SGCZ: variants seen among roughly 807,000 people sequenced by gnomAD.
The protein encoded by SGCZ is zeta-sarcoglycan.
SGCZ carries 40 observed loss-of-function variants against 41.3 expected under a neutral mutation model. The ratio of observed to expected loss-of-function variants is 0.97; its 90% CI spans 0.75 to 1.26. SGCZ has a LOEUF of 1.26. Among genes scored for constraint, SGCZ ranks in the 50% most tolerant of loss-of-function variants. SGCZ has a pLI of 0.00. For missense variants in SGCZ, 552 were observed against 369.8 expected (o/e 1.49, Z -4.04); for synonymous variants, 206 against 137.5 (o/e 1.50, Z -3.49).
chr8:14,480,757 T>C (rs1346659651), intron 2 of SGCZ, among the ~76,000 whole-genome samples: 1 of 152,056 alleles, frequency 6.6e-6, no homozygotes, highest in Admixed American at 6.6e-5. Context: ...AATATATTTA[T>C]AATAACATAA....
chr8:14,443,884 A>G (rs1223047865), intron 2 of SGCZ, among the ~76,000 whole-genome samples: 1 of 152,176 alleles, frequency 6.6e-6, no homozygotes, highest in Non-Finnish European at 1.5e-5. Context: ...AACCTACAGA[A>G]TGGGAGAAAA....
rs982876731 is a variant in SGCZ, at chr8:14,432,187, C to A, written c.235-107983G>T. ...CAGCAATCCCACTACTGGGTATCTACCCAGAGGAAAATATGTCATTATACA... is the reference window on the plus strand; with the variant it reads ...CAGCAATCCCACTACTGGGTATCTAACCAGAGGAAAATATGTCATTATACA... On this transcript the variant is annotated intron_variant, in intron 2 of 7. Coordinates refer to ENST00000382080, the MANE Select transcript of SGCZ (RefSeq NM_139167.4). Among the ~76,000 whole-genome samples the A allele has an allele frequency of 2.6e-5, 4 of 152,080 alleles. No homozygotes were observed. The South Asian group carries it at 6.2e-4, about 24-fold the overall frequency.
At chr8:14,791,536 C>T (rs975707995) in intron 1 of SGCZ, among the ~76,000 whole-genome samples, 7 of 152,124 alleles carry the variant, frequency 4.6e-5, no homozygotes, top group African/African-American at 1.7e-4. Flanking sequence ...AAACCATTCA[C>T]CTAATAGAAG....
At chr8:14,452,770 A>G (rs759853008) in intron 2 of SGCZ, among the ~76,000 whole-genome samples, 8 of 152,112 alleles carry the variant, frequency 5.3e-5, no homozygotes, top group Admixed American at 6.5e-5. Context: ...AATAAAATTA[A>G]TTCAAAAGGC....
chr8:14,979,766 T>C (rs1801601721), intron 1 of SGCZ, among the ~76,000 whole-genome samples: 1 of 152,216 alleles, frequency 6.6e-6, no homozygotes, highest in African/African-American at 2.4e-5. Context: ...TATTAGGATA[T>C]GAATAGACAG....
chr8:14,108,233 T>G lies in SGCZ; in HGVS notation c.550A>C (p.Thr184Pro), dbSNP rs778223348. 8 of 1,614,088 alleles carry G rather than the reference T, an allele frequency of 5.0e-6. No homozygotes were observed. The South Asian group carries it at 7.7e-5, about 16-fold the overall frequency. Reference protein sequence around the residue: ...IGAEKLKVTGTEGAVFGHSVE... With the variant: ...IGAEKLKVTGPEGAVFGHSVE... ...GAGTGCCCAAATACGGCTCCTTCAG[T>G]GCCTGGGGGTAGCATGAATATAGCA... Residue 184 changes from threonine to proline, a missense_variant and splice_region_variant, in exon 6 of 8, where the codon ACT becomes CCT. Coordinates refer to ENST00000382080, the MANE Select transcript of SGCZ (RefSeq NM_139167.4).
chr8:14,862,891 G>T (rs951653710), intron 1 of SGCZ, among the ~76,000 whole-genome samples: 4 of 152,038 alleles, frequency 2.6e-5, no homozygotes, highest in African/African-American at 9.6e-5. Flanking sequence ...AATTCAAAAT[G>T]AATACATGTT....
intron 5 of SGCZ, among the ~76,000 whole-genome samples, chr8:14,157,133 G>C (rs1409436563): frequency 2.0e-5 from 3 of 151,840 alleles, no homozygotes; most frequent in Admixed American, 2.0e-4. Context: ...TAAGTAGTAT[G>C]TTGTGCTCTG....
At chr8:14,575,159 T>G (rs1804669484) in intron 1 of SGCZ, among the ~76,000 whole-genome samples, 1 of 152,216 alleles carries the variant, frequency 6.6e-6, no homozygotes, top group Non-Finnish European at 1.5e-5. Context: ...TAAATAATTT[T>G]GGGAAAAGTA....
intron 1 of SGCZ, among the ~76,000 whole-genome samples, chr8:14,811,583 G>C (rs907857412): frequency 7.2e-6 from 1 of 138,870 alleles, no homozygotes; most frequent in African/African-American, 2.7e-5. Context: ...TGTTATGGGA[G>C]AGGGCCAGAA....
At chr8:14,142,893 C>A (rs1289418164) in intron 5 of SGCZ, among the ~76,000 whole-genome samples, 1 of 151,948 alleles carries the variant, frequency 6.6e-6, no homozygotes, top group Non-Finnish European at 1.5e-5. Flanking sequence ...CCTGTGCCTT[C>A]TCCCATGATC....
At chr8:14,450,604 A>G (rs1417376801) in intron 2 of SGCZ, among the ~76,000 whole-genome samples, 1 of 152,206 alleles carries the variant, frequency 6.6e-6, no homozygotes, top group Non-Finnish European at 1.5e-5. Flanking sequence ...CTGCTATTTT[A>G]TAGAATCAGA....
rs191460903 is a variant in SGCZ, at chr8:14,725,199, T to C, written c.40-170273A>G. Among the ~76,000 whole-genome samples, 276 of 152,350 alleles carry C rather than the reference T, an allele frequency of 1.8e-3. 3 individuals are homozygous for C. The highest frequency in any genetic ancestry group is 6.8e-3 in the Middle Eastern group (2 of 294). On this transcript the variant is annotated intron_variant, in intron 1 of 7. Transcript: ENST00000382080. ...AATTTCATTTTTCATGGCTGAATAA[T>C]ATTCCATTGTGTATATAGACCACCT...
rs185228576 is a variant in SGCZ at position 14,271,302 on chromosome 8, A to G, written c.337-33623T>C. Reference sequence around the variant, plus strand: ...TTAGAAATTTCTTTACATTATTACTATTATCTATAATTCAGCCTAAAAACT... The same window carrying G: ...TTAGAAATTTCTTTACATTATTACTGTTATCTATAATTCAGCCTAAAAACT... On this transcript the variant is annotated intron_variant, in intron 3 of 7. Coordinates refer to ENST00000382080, the MANE Select transcript of SGCZ (RefSeq NM_139167.4). Among the ~76,000 whole-genome samples the G allele has an allele frequency of 6.3e-3, 966 of 152,284 alleles. 8 individuals carry two copies. Among genetic ancestry groups the G allele is most frequent in the African/African-American group, 0.021 (882 of 41,570 alleles).
chr8:14,955,279 G>A (rs991879375), intron 1 of SGCZ, among the ~76,000 whole-genome samples: 1 of 152,122 alleles, frequency 6.6e-6, no homozygotes, highest in Non-Finnish European at 1.5e-5. Flanking sequence ...GATGTGTGTA[G>A]CTATACTGTT....
chr8:14,172,807 G>T (rs1334976121), intron 4 of SGCZ, among the ~76,000 whole-genome samples: 1 of 152,126 alleles, frequency 6.6e-6, no homozygotes, highest in Admixed American at 6.6e-5. Flanking sequence ...GAGAAAGGGA[G>T]CTGAGCTTAC....
intron 3 of SGCZ, among the ~76,000 whole-genome samples, chr8:14,279,686 T>C (rs776246851): frequency 5.9e-4 from 89 of 152,026 alleles, no homozygotes; most frequent in African/African-American, 5.6e-4. Flanking sequence ...GTTAAAGTCA[T>C]GTGTATTATC....
intron 1 of SGCZ, among the ~76,000 whole-genome samples, chr8:14,870,307 G>A (rs981721853): frequency 4.6e-5 from 7 of 151,436 alleles, no homozygotes; most frequent in Non-Finnish European, 5.9e-5. Context: ...CCTGGCCAAC[G>A]CGGTGAAACC....
chr8:14,807,523 G>A (rs1349841872), intron 1 of SGCZ, among the ~76,000 whole-genome samples: 1 of 151,722 alleles, frequency 6.6e-6, no homozygotes, highest in East Asian at 1.9e-4. Flanking sequence ...CAACTTACAA[G>A]GGATGTGAAG....
Sources: gnomAD v4.1 joint callset for allele counts (sites outside exome capture counted in the v4.1 genomes callset) on GRCh38, gnomAD v4.1.1 for gene constraint, MANE v1.5 for transcripts, NCBI Gene and HGNC (gene_info 2026-07-23, HGNC 2026-07-21) for gene names.